The following DLGAP4 variants were observed in gnomAD, a reference collection of about 807,000 sequenced individuals.
DLGAP4 encodes the protein DLG associated protein 4, also known as disks large-associated protein 4.
DLGAP4 carries 18 observed loss-of-function variants against 86.9 expected under a neutral mutation model. That is an observed-to-expected ratio of 0.21 (90% CI 0.14 to 0.31). DLGAP4 has a LOEUF of 0.31. Among genes scored for constraint, DLGAP4 ranks in the 10% least tolerant of loss-of-function variants. DLGAP4 has a pLI of 1.00. For synonymous variants in DLGAP4, 548 were observed against 574.3 expected (o/e 0.95, Z 0.65); for missense variants, 1,085 against 1,362.6 (o/e 0.80, Z 3.21).
At chr20:36,335,153 G>A (rs1487017341) in intron 1 of DLGAP4, among the ~76,000 whole-genome samples, 1 of 152,156 alleles carries the variant, frequency 6.6e-6, no homozygotes, top group East Asian at 1.9e-4. Flanking sequence ...TTTTGAGATG[G>A]GGGCTGTGAA....
chr20:36,469,677 C>A (rs1194825250), intron 7 of DLGAP4, among the ~76,000 whole-genome samples: 1 of 150,142 alleles, frequency 6.7e-6, no homozygotes, highest in East Asian at 2.0e-4. Context: ...TGCTTGAACC[C>A]GGGAGGTGGA....
chr20:36,320,588 C>T lies in DLGAP4; in HGVS notation c.-304+14076C>T, dbSNP rs118020735. Among the ~76,000 whole-genome samples, 43 of 152,280 alleles carry T rather than the reference C, an allele frequency of 2.8e-4. No homozygotes were observed. In the East Asian group the frequency reaches 4.5e-3, roughly 16 times the overall value. On this transcript the variant is annotated intron_variant, in intron 1 of 12. Transcript: ENST00000339266. ...GCATTGGAAAGCAGATATATTTAGA[C>T]GAAATGCTGTGTTCCAGACAGATTC...
intron 1 of DLGAP4, among the ~76,000 whole-genome samples, chr20:36,351,293 T>C (rs1452642089): frequency 6.6e-6 from 1 of 152,212 alleles, no homozygotes; most frequent in Non-Finnish European, 1.5e-5. Flanking sequence ...CCATGACCAG[T>C]GCTGGTCCGT....
At chr20:36,328,230 C>A (rs1417654160) in intron 1 of DLGAP4, among the ~76,000 whole-genome samples, 5 of 151,876 alleles carry the variant, frequency 3.3e-5, no homozygotes, top group African/African-American at 1.2e-4. Context: ...AATAAAAATT[C>A]TAAATTTAAA....
Position 36,350,569 on chromosome 20 carries a change from AT to A in DLGAP4, c.-303-16475del, listed in dbSNP as rs1221435940. Among the ~76,000 whole-genome samples, 4 of 152,208 alleles carry A rather than the reference AT, an allele frequency of 2.6e-5. No individual in the cohort carries two copies. The highest frequency in any genetic ancestry group is 9.7e-5 in the African/African-American group (4 of 41,448). On this transcript the variant is annotated intron_variant, in intron 1 of 12. Coordinates refer to ENST00000339266, the MANE Select transcript of DLGAP4 (RefSeq NM_001365621.2). This position sits in a 1 kb window ranked among gnomAD's most constrained non-coding sequence, Gnocchi z 4.4. Reference sequence around the variant, plus strand: ...TCCATCTGTCATTTCCCTGGGGTGAATCAGATGATACAATGGCTGACAAGGG... The same window carrying A: ...TCCATCTGTCATTTCCCTGGGGTGAACAGATGATACAATGGCTGACAAGGG...
chr20:36,389,092 G>A (rs1408897761), intron 2 of DLGAP4, among the ~76,000 whole-genome samples: 1 of 151,288 alleles, frequency 6.6e-6, no homozygotes, highest in Non-Finnish European at 1.5e-5. Context: ...AGGGTCAGGA[G>A]TTCAGGTTTA....
At chr20:36,313,604 T>TG (rs1190810504) in intron 1 of DLGAP4, among the ~76,000 whole-genome samples, 16 of 151,218 alleles carry the variant, frequency 1.1e-4, no homozygotes, top group Non-Finnish European at 1.6e-4. Flanking sequence ...GGCCTGCTGC[T>TG]GGGGGGGCAG....
At chr20:36,384,255 C>G (rs2031515738) in intron 2 of DLGAP4, among the ~76,000 whole-genome samples, 1 of 152,056 alleles carries the variant, frequency 6.6e-6, no homozygotes, top group African/African-American at 2.4e-5. Flanking sequence ...GTCCCGACGC[C>G]TGGGGGTGCT....
At chr20:36,405,527 G>A (rs2032292740) in intron 2 of DLGAP4, among the ~76,000 whole-genome samples, 2 of 152,274 alleles carry the variant, frequency 1.3e-5, no homozygotes, top group Non-Finnish European at 2.9e-5. Flanking sequence ...CACATGGGGC[G>A]CCTCGGTGGG....
At chr20:36,461,736 TCCGTCCGTCCGTCCGC>T (rs1238353279) in intron 7 of DLGAP4, 3 of 888,816 alleles carry the variant, frequency 3.4e-6, no homozygotes, top group Non-Finnish European at 3.9e-6. Flanking sequence ...CGTCTGTCCG[TCCGTCCGTCCGTCCGC>T]CCGCCCGCCC....
intron 10 of DLGAP4, among the ~76,000 whole-genome samples, chr20:36,509,605 C>T (rs2036575997): frequency 6.6e-6 from 1 of 151,862 alleles, no homozygotes; most frequent in South Asian, 2.1e-4. Flanking sequence ...AATAAATTAG[C>T]TGAGCATTGT....
At chr20:36,358,001 C>T (rs1274609541) in intron 1 of DLGAP4, among the ~76,000 whole-genome samples, 3 of 152,190 alleles carry the variant, frequency 2.0e-5, no homozygotes, top group East Asian at 3.9e-4. Context: ...TGAACCTTCC[C>T]AAGAAGCAAC....
Position 36,500,482 on chromosome 20 carries a change from G to T in DLGAP4, c.2383G>T (p.Ala795Ser). ...CTCCTCCAGCTCCCCAGCAGAGCCG[G>T]CACAGCCAGGGGCCTGCCGCCGAGA... Reference protein sequence around the residue: ...ETSSSSPAEPAQPGACRRDGY... With the variant: ...ETSSSSPAEPSQPGACRRDGY... Residue 795 changes from alanine to serine, a missense_variant, in exon 10 of 13, where the codon GCA becomes TCA. Transcript: ENST00000339266. The surrounding 1 kb of genome is among the most constrained non-coding windows in gnomAD (Gnocchi z 4.6). 6.3e-7 allele frequency: 1 copy of T among 1,592,200 alleles called. No homozygotes were observed. Among genetic ancestry groups the T allele is most frequent in the Non-Finnish European group, 8.6e-7 (1 of 1,168,574 alleles).
At chr20:36,466,946 G>GTCTC (rs1187637533) in intron 7 of DLGAP4, among the ~76,000 whole-genome samples, 30 of 95,024 alleles carry the variant, frequency 3.2e-4, no homozygotes, top group African/African-American at 9.0e-4. Context: ...CTCTCTCTCT[G>GTCTC]TCTCTCTCTC....
At position 36,518,989 on chromosome 20, in the gene DLGAP4, C is replaced by T. The variant is rs6024852; in HGVS notation, c.2513-5261C>T. Among the ~76,000 whole-genome samples the T allele has an allele frequency of 4.3e-3, 651 of 151,720 alleles. 2 individuals are homozygous for T. Among genetic ancestry groups the T allele is most frequent in the Non-Finnish European group, 4.5e-3 (308 of 67,920 alleles). On this transcript the variant is annotated intron_variant, in intron 10 of 12. Coordinates refer to ENST00000339266, the MANE Select transcript of DLGAP4 (RefSeq NM_001365621.2). ...AAAATTAGCCAGGTGTGGTGGTGCGCGCCTGTAGTCCCAGCTACTTGGGAG... is the reference window on the plus strand; with the variant it reads ...AAAATTAGCCAGGTGTGGTGGTGCGTGCCTGTAGTCCCAGCTACTTGGGAG...
intron 10 of DLGAP4, among the ~76,000 whole-genome samples, chr20:36,516,029 C>T (rs1486383048): frequency 6.6e-6 from 1 of 152,098 alleles, no homozygotes; most frequent in East Asian, 1.9e-4. Context: ...TCCCAGCATC[C>T]TAAGTGCATT....
At chr20:36,470,028 C>T (rs2034590518) in intron 7 of DLGAP4, among the ~76,000 whole-genome samples, 1 of 152,036 alleles carries the variant, frequency 6.6e-6, no homozygotes, top group Non-Finnish European at 1.5e-5. Flanking sequence ...AAGTAAGGTC[C>T]TAGGATAGCA....
chr20:36,476,901 C>T (rs2034966676), intron 7 of DLGAP4, among the ~76,000 whole-genome samples: 1 of 150,920 alleles, frequency 6.6e-6, no homozygotes, highest in African/African-American at 2.4e-5. Context: ...CCATTTTAGT[C>T]GGGGTGATCT....
chr20:36,488,797 CCT>C (rs2035532626), intron 7 of DLGAP4, among the ~76,000 whole-genome samples: 1 of 152,154 alleles, frequency 6.6e-6, no homozygotes. Flanking sequence ...AGGCTGGTCT[CCT>C]GACCTCAAGT....
Sources: allele counts gnomAD v4.1 joint callset (sites outside exome capture counted in the v4.1 genomes callset), GRCh38; gene constraint gnomAD v4.1.1; non-coding constraint Gnocchi (gnomAD v3.1); transcripts MANE v1.5; gene names NCBI Gene and HGNC (gene_info 2026-07-23, HGNC 2026-07-21).